Variants in MACROD2 observed in about 807,000 individuals in gnomAD.
MACROD2 encodes ADP-ribose glycohydrolase MACROD2.
MACROD2 carries 36 observed loss-of-function variants against 70.4 expected under a neutral mutation model. That is an observed-to-expected ratio of 0.51 (90% confidence interval 0.39 to 0.68). MACROD2 has a LOEUF of 0.68. Among genes scored for constraint, MACROD2 ranks in the 30% least tolerant of loss-of-function variants. MACROD2 has a pLI of 0.00. For synonymous variants in MACROD2, 172 were observed against 178.8 expected (o/e 0.96, Z 0.30); for missense variants, 496 against 538.4 (o/e 0.92, Z 0.78).
chr20:14,934,054 G>T (rs1262571169), intron 5 of MACROD2: 1 of 152,128 alleles, frequency 6.6e-6, no homozygotes, highest in Non-Finnish European at 1.5e-5. Flanking sequence ...GGTAGAACCG[G>T]GACTTAATTC....
At chr20:15,358,596 G>T (rs2078316308) in intron 6 of MACROD2, among the ~76,000 whole-genome samples, 1 of 152,012 alleles carries the variant, frequency 6.6e-6, no homozygotes, top group African/African-American at 2.4e-5. Context: ...ATATTCTTCT[G>T]CAAGAGATGC....
intron 3 of MACROD2, among the ~76,000 whole-genome samples, chr20:14,241,970 A>G (rs763091232): frequency 6.6e-6 from 1 of 152,166 alleles, no homozygotes; most frequent in Non-Finnish European, 1.5e-5. Context: ...AAACATTACA[A>G]CTGTGTAAAA....
At chr20:14,467,579 C>G (rs1163689282) in intron 3 of MACROD2, among the ~76,000 whole-genome samples, 1 of 152,082 alleles carries the variant, frequency 6.6e-6, no homozygotes, top group African/African-American at 2.4e-5. Flanking sequence ...GTGAGGTGAA[C>G]CCGGTTGGAA....
At chr20:14,277,362 A>G (rs547482452) in intron 3 of MACROD2, among the ~76,000 whole-genome samples, 1 of 152,316 alleles carries the variant, frequency 6.6e-6, no homozygotes, top group South Asian at 2.1e-4. Flanking sequence ...GCAGTTGAGA[A>G]TCGCTTGAAC....
chr20:15,941,919 A>G (rs1312346456), intron 12 of MACROD2, among the ~76,000 whole-genome samples: 1 of 152,142 alleles, frequency 6.6e-6, no homozygotes, highest in Non-Finnish European at 1.5e-5. Flanking sequence ...CATTTGTTAC[A>G]ACCTTGGTTT....
At chr20:15,671,981 C>A (rs1479445063) in intron 8 of MACROD2, among the ~76,000 whole-genome samples, 1 of 152,182 alleles carries the variant, frequency 6.6e-6, no homozygotes, top group African/African-American at 2.4e-5. Flanking sequence ...ATCATTCCTG[C>A]AGAGATGTAA....
rs2078075727 is a variant in MACROD2, at chr20:15,338,721, A to G, written c.541-92684A>G. 1.3e-5 allele frequency among the ~76,000 whole-genome samples: 2 copies of G among 151,802 alleles called. 1 individual carries two copies. The highest frequency in any genetic ancestry group is 4.9e-5 in the African/African-American group (2 of 41,078). On this transcript the variant is annotated intron_variant, in intron 6 of 17. Coordinates refer to ENST00000684519, the MANE Select transcript of MACROD2 (RefSeq NM_001351661.2). ...TACTTGCCTAACGTCTTTTAGTACAAGATGGGGCTTGGATTATGAACACAG... is the reference window on the plus strand; with the variant it reads ...TACTTGCCTAACGTCTTTTAGTACAGGATGGGGCTTGGATTATGAACACAG...
chr20:14,131,305 A>AT (rs150015653), intron 3 of MACROD2, among the ~76,000 whole-genome samples: 60 of 151,916 alleles, frequency 3.9e-4, no homozygotes, highest in African/African-American at 8.9e-4. Context: ...TACAAATGAA[A>AT]TTTTTTTTTA....
At chr20:14,782,915 A>G (rs1362556158) in intron 5 of MACROD2, among the ~76,000 whole-genome samples, 1 of 152,134 alleles carries the variant, frequency 6.6e-6, no homozygotes, top group Non-Finnish European at 1.5e-5. Context: ...TCTAATTTAC[A>G]AGACAAGGCA....
intron 5 of MACROD2, among the ~76,000 whole-genome samples, chr20:15,060,373 G>C (rs942235443): frequency 2.0e-5 from 3 of 152,124 alleles, no homozygotes; most frequent in African/African-American, 7.2e-5. Flanking sequence ...TCCACCCTGC[G>C]TCTTGCTCTT....
chr20:15,140,563 C>T (rs575281170), intron 5 of MACROD2, among the ~76,000 whole-genome samples: 14 of 152,080 alleles, frequency 9.2e-5, no homozygotes, highest in African/African-American at 3.1e-4. Flanking sequence ...CATTAGTTTA[C>T]TTATTATTCA....
chr20:14,889,394 AAACT>A, intron 5 of MACROD2, among the ~76,000 whole-genome samples: 1 of 152,224 alleles, frequency 6.6e-6, no homozygotes, highest in Middle Eastern at 3.4e-3. Context: ...AGAATGCTTG[AAACT>A]AACTACAGCT....
At chr20:14,649,290 G>A (rs1244456117) in intron 4 of MACROD2, among the ~76,000 whole-genome samples, 1 of 152,148 alleles carries the variant, frequency 6.6e-6, no homozygotes, top group Non-Finnish European at 1.5e-5. Context: ...AATGAGGGTA[G>A]CACTAGTGAA....
intron 6 of MACROD2, among the ~76,000 whole-genome samples, chr20:15,405,336 G>C (rs1165712339): frequency 2.0e-5 from 3 of 152,128 alleles, no homozygotes; most frequent in Non-Finnish European, 4.4e-5. Flanking sequence ...GATTGAGCCA[G>C]TTATGTTGCT....
At chr20:15,555,828 CAAA>C (rs397838341) in intron 8 of MACROD2, among the ~76,000 whole-genome samples, 37 of 18,564 alleles carry the variant, frequency 2.0e-3, no homozygotes, top group African/African-American at 5.5e-3. Flanking sequence ...GACTCCATCT[CAAA>C]AAAAAAAAAA....
intron 5 of MACROD2, among the ~76,000 whole-genome samples, chr20:14,840,081 A>T (rs892906356): frequency 1.4e-5 from 2 of 145,930 alleles, no homozygotes; most frequent in Non-Finnish European, 3.0e-5. Context: ...CTTGTTGCCC[A>T]GGCTGGAGTG....
At chr20:15,366,198 G>T (rs1240594233) in intron 6 of MACROD2, among the ~76,000 whole-genome samples, 1 of 152,096 alleles carries the variant, frequency 6.6e-6, no homozygotes, top group African/African-American at 2.4e-5. Flanking sequence ...ATCCAGTGAG[G>T]TCTTGTTTAA....
chr20:15,996,046 G>C (rs1217575761), intron 15 of MACROD2, among the ~76,000 whole-genome samples: 1 of 151,918 alleles, frequency 6.6e-6, no homozygotes, highest in African/African-American at 2.4e-5. Flanking sequence ...TGGATCATTT[G>C]GTAATTCTAT....
intron 3 of MACROD2, among the ~76,000 whole-genome samples, chr20:14,437,054 G>A (rs1333937735): frequency 6.6e-6 from 1 of 152,140 alleles, no homozygotes; most frequent in Non-Finnish European, 1.5e-5. Flanking sequence ...GTTTAAAATT[G>A]TAGGCAGCTT....
Sources: gnomAD v4.1 joint callset for allele counts (sites outside exome capture counted in the v4.1 genomes callset) on GRCh38, gnomAD v4.1.1 for gene constraint, MANE v1.5 for transcripts, NCBI Gene and HGNC (gene_info 2026-07-23, HGNC 2026-07-21) for gene names.